The following TRDN variants were observed in gnomAD, a reference collection of about 807,000 sequenced individuals.
TRDN encodes the protein triadin, also known as triadin in skeletal muscle.
TRDN carries 161 observed loss-of-function variants against 149.7 expected under a neutral mutation model. That is an observed-to-expected ratio of 1.08 (90% CI 0.95 to 1.23). TRDN has a LOEUF of 1.23. Ranked by LOEUF, TRDN falls within the 50% of genes most tolerant of loss-of-function variation. TRDN has a pLI of 0.00. For missense variants in TRDN, 896 were observed against 823.5 expected (o/e 1.09, Z -1.08); for synonymous variants, 294 against 250.5 (o/e 1.17, Z -1.64).
intron 4 of TRDN, among the ~76,000 whole-genome samples, chr6:123,534,462 A>G (rs1159775781): frequency 6.6e-6 from 1 of 152,142 alleles, no homozygotes; most frequent in East Asian, 1.9e-4. Flanking sequence ...AAGCCTCCAC[A>G]TGGCGTGCCA....
intron 20 of TRDN, 91 bp downstream of exon 20, chr6:123,366,044 G>A (rs1050125935): frequency 1.7e-6 from 2 of 1,145,890 alleles, no homozygotes; most frequent in African/African-American, 1.6e-5. Context: ...AATAAATAGA[G>A]CTCTTTTCTA....
intron 15 of TRDN, 90 bp from the exon 16 acceptor site, chr6:123,381,480 A>G: frequency 5.6e-6 from 7 of 1,242,152 alleles, no homozygotes; most frequent in Non-Finnish European, 7.9e-6. Context: ...AATTTTTCCC[A>G]CCCCTCCTTC....
At chr6:123,366,483 G>A (rs1474444490) in intron 19 of TRDN, among the ~76,000 whole-genome samples, 2 of 151,992 alleles carry the variant, frequency 1.3e-5, no homozygotes, top group African/African-American at 4.8e-5. Context: ...TAAAATTAAG[G>A]CCACATTCAA....
intron 24 of TRDN, among the ~76,000 whole-genome samples, chr6:123,284,085 C>G (rs1456983222): frequency 8.0e-6 from 1 of 125,364 alleles, no homozygotes; most frequent in Non-Finnish European, 1.7e-5. Context: ...AACTCTTGCC[C>G]CCCCCCCAAA....
At chr6:123,482,962 A>C (rs1777811002) in intron 9 of TRDN, among the ~76,000 whole-genome samples, 1 of 151,968 alleles carries the variant, frequency 6.6e-6, no homozygotes, top group African/African-American at 2.4e-5. Context: ...AACTAAGGAC[A>C]GACACAAGTA....
intron 1 of TRDN, among the ~76,000 whole-genome samples, chr6:123,602,291 A>G (rs1387855957): frequency 6.6e-6 from 1 of 152,122 alleles, no homozygotes; most frequent in Non-Finnish European, 1.5e-5. Flanking sequence ...ACTTGGATGG[A>G]GCTGGGGGCA....
intron 20 of TRDN, among the ~76,000 whole-genome samples, chr6:123,356,259 G>C (rs999777631): frequency 6.6e-6 from 1 of 151,348 alleles, no homozygotes; most frequent in African/African-American, 2.4e-5. Context: ...AATGGTTTTT[G>C]CAGATGTTTT....
chr6:123,620,058 C>T lies in TRDN; in HGVS notation c.22+16696G>A, dbSNP rs1019948825. On this transcript the variant is annotated intron_variant, in intron 1 of 40. Coordinates refer to ENST00000334268, the MANE Select transcript of TRDN (RefSeq NM_006073.4). The stretch of plus-strand genomic sequence containing the variant: ...TGCCCATGAAAAGAATCTTCTTGTG[C>T]ATGATCACAAATTTATCATGAAAAG... 2.0e-5 allele frequency among the ~76,000 whole-genome samples: 3 copies of T among 152,116 alleles called. 1 individual carries two copies. The highest frequency in any genetic ancestry group is 2.0e-4 in the Admixed American group (3 of 15,250).
At chr6:123,476,274 CAGAG>C (rs1412452562) in intron 9 of TRDN, among the ~76,000 whole-genome samples, 2 of 38,634 alleles carry the variant, frequency 5.2e-5, no homozygotes, top group Non-Finnish European at 1.1e-4. Flanking sequence ...AACAGACAAA[CAGAG>C]AGCCAAATCA....
chr6:123,250,392 A>C (rs1252214327), intron 38 of TRDN, among the ~76,000 whole-genome samples: 2 of 152,104 alleles, frequency 1.3e-5, no homozygotes, highest in Non-Finnish European at 2.9e-5. Context: ...ACCCACTCCT[A>C]CCACCACCAC....
At chr6:123,536,956 AT>A (rs1200800837) in intron 4 of TRDN, among the ~76,000 whole-genome samples, 2 of 151,884 alleles carry the variant, frequency 1.3e-5, no homozygotes, top group African/African-American at 4.8e-5. Context: ...TATTTCAGAA[AT>A]TTTTTCATGT....
chr6:123,292,492 T>C (rs1208385499), intron 24 of TRDN, among the ~76,000 whole-genome samples: 5 of 152,220 alleles, frequency 3.3e-5, no homozygotes, highest in African/African-American at 4.8e-5. Context: ...TTTTGGAATT[T>C]AGGTCAGGTT....
At chr6:123,250,731 T>TTAC (rs1255800005) in intron 38 of TRDN, among the ~76,000 whole-genome samples, 1 of 152,072 alleles carries the variant, frequency 6.6e-6, no homozygotes, top group African/African-American at 2.4e-5. Flanking sequence ...AATCTTACTC[T>TTAC]TACTACTACT....
chr6:123,285,145 C>T (rs1027080964), intron 24 of TRDN, among the ~76,000 whole-genome samples: 2 of 151,826 alleles, frequency 1.3e-5, no homozygotes, highest in Non-Finnish European at 2.9e-5. Context: ...CAGTTCAATT[C>T]CCATCAAAAT....
Position 123,388,556 on chromosome 6 carries a change from A to T in TRDN, c.1106-5T>A. The stretch of plus-strand genomic sequence containing the variant: ...TTTCATCCTTCTTAGCTGCTGCTGA[A>T]GTAATGAAAATAGCGTTAAGGCATA... On this transcript the variant is annotated splice_polypyrimidine_tract_variant and splice_region_variant and intron_variant, in intron 13 of 40. Coordinates refer to ENST00000334268, the MANE Select transcript of TRDN (RefSeq NM_006073.4). 6.3e-7 allele frequency: 1 copy of T among 1,582,888 alleles called. No homozygotes were observed.
intron 24 of TRDN, among the ~76,000 whole-genome samples, chr6:123,297,091 C>T (rs1292446268): frequency 1.3e-5 from 2 of 152,030 alleles, no homozygotes; most frequent in African/African-American, 4.8e-5. Flanking sequence ...GGTTGATATG[C>T]CTTTTTCATC....
chr6:123,618,611 A>G (rs973705362), intron 1 of TRDN, among the ~76,000 whole-genome samples: 1 of 152,304 alleles, frequency 6.6e-6, no homozygotes, highest in African/African-American at 2.4e-5. Flanking sequence ...CACAACCAAT[A>G]TTCTCACTAC....
At chr6:123,355,468 A>G (rs1030262645) in intron 20 of TRDN, among the ~76,000 whole-genome samples, 7 of 151,774 alleles carry the variant, frequency 4.6e-5, no homozygotes, top group African/African-American at 1.7e-4. Flanking sequence ...GTGAGATAAA[A>G]TTTCACTTTT....
intron 1 of TRDN, among the ~76,000 whole-genome samples, chr6:123,626,167 C>T (rs918375992): frequency 3.3e-5 from 5 of 151,992 alleles, no homozygotes; most frequent in African/African-American, 1.2e-4. Flanking sequence ...CAAGAAACCA[C>T]TCTCTTTGCT....
Sources: gnomAD v4.1 joint callset for allele counts (sites outside exome capture counted in the v4.1 genomes callset) on GRCh38, gnomAD v4.1.1 for gene constraint, MANE v1.5 for transcripts, NCBI Gene and HGNC (gene_info 2026-07-23, HGNC 2026-07-21) for gene names.